The following CFAP77 variants were observed in gnomAD, a reference collection of about 807,000 sequenced individuals.
CFAP77 encodes the protein cilia- and flagella-associated protein 77.
CFAP77 carries 25 observed loss-of-function variants against 31.1 expected under a neutral mutation model. The observed-to-expected ratio is 0.80, with a 90% CI of 0.59 to 1.12. The LOEUF is 1.12. Among genes scored for constraint, CFAP77 ranks in the 50% most tolerant of loss-of-function variants. The pLI is 0.00. For synonymous variants in CFAP77, 151 were observed against 159.9 expected, an observed-to-expected ratio of 0.94 and a Z score of 0.42; for missense variants, 377 against 397.3, an observed-to-expected ratio of 0.95 and a Z score of 0.44.
chr9:132,548,961 G>A (rs1011816088), intron 5 of CFAP77, among the ~76,000 whole-genome samples: 2 of 152,220 alleles, frequency 1.3e-5, no homozygotes, highest in Non-Finnish European at 2.9e-5. Context: ...ACCCTGCTTC[G>A]GGTCTCCTGG....
intron 3 of CFAP77, among the ~76,000 whole-genome samples, chr9:132,506,659 T>C (rs968235518): frequency 2.6e-5 from 4 of 152,046 alleles, no homozygotes; most frequent in Admixed American, 6.5e-5. Context: ...AAGACCCTAC[T>C]TTGCACTAAC....
chr9:132,463,254 C>G (rs996279414), intron 1 of CFAP77, among the ~76,000 whole-genome samples: 1 of 152,100 alleles, frequency 6.6e-6, no homozygotes, highest in Non-Finnish European at 1.5e-5. Context: ...CCAGAAACTC[C>G]CCAGTTAAGA....
chr9:132,434,762 G>C (rs1004236991), intron 1 of CFAP77, among the ~76,000 whole-genome samples: 5 of 152,192 alleles, frequency 3.3e-5, no homozygotes, highest in Non-Finnish European at 7.3e-5. Context: ...GAACCTGTAG[G>C]GGGGCAGAGG....
At chr9:132,483,692 C>T (rs987124063) in intron 1 of CFAP77, among the ~76,000 whole-genome samples, 3 of 152,170 alleles carry the variant, frequency 2.0e-5, no homozygotes, top group East Asian at 1.9e-4. Flanking sequence ...CAGATGGAAA[C>T]GGCCTTCACT....
intron 1 of CFAP77, among the ~76,000 whole-genome samples, chr9:132,445,987 T>C (rs1437074480): frequency 1.3e-5 from 2 of 152,006 alleles, no homozygotes; most frequent in Non-Finnish European, 2.9e-5. Flanking sequence ...GCAGGGTGCA[T>C]TGGGTGCCGC....
chr9:132,460,794 C>A (rs746136505), intron 1 of CFAP77, among the ~76,000 whole-genome samples: 4 of 152,148 alleles, frequency 2.6e-5, no homozygotes, highest in Non-Finnish European at 5.9e-5. Flanking sequence ...AGTGCAATCT[C>A]GGCTCACTGC....
intron 1 of CFAP77, among the ~76,000 whole-genome samples, chr9:132,472,616 T>G (rs1589871079): frequency 6.6e-6 from 1 of 152,130 alleles, no homozygotes; most frequent in African/African-American, 2.4e-5. Context: ...AAAAATTAGC[T>G]GGGCGTGGTG....
intron 5 of CFAP77, among the ~76,000 whole-genome samples, chr9:132,562,204 C>T (rs1041386062): frequency 6.6e-6 from 1 of 152,174 alleles, no homozygotes; most frequent in Non-Finnish European, 1.5e-5. Context: ...GTGTGTGGCA[C>T]GAGGAGGCCC....
At chr9:132,512,942 C>T (rs984226475) in intron 3 of CFAP77, among the ~76,000 whole-genome samples, 5 of 152,090 alleles carry the variant, frequency 3.3e-5, no homozygotes, top group Non-Finnish European at 7.3e-5. Flanking sequence ...GGTAAAACTC[C>T]ATTTCAAATA....
intron 5 of CFAP77, among the ~76,000 whole-genome samples, chr9:132,555,749 C>G (rs866816194): frequency 6.6e-5 from 10 of 152,136 alleles, no homozygotes; most frequent in Admixed American, 1.3e-4. Flanking sequence ...CCCTAACACA[C>G]CCCCCAGCCC....
At chr9:132,488,968 G>C (rs1305813245) in intron 1 of CFAP77, among the ~76,000 whole-genome samples, 1 of 152,184 alleles carries the variant, frequency 6.6e-6, no homozygotes, top group Admixed American at 6.5e-5. Context: ...GTCACCCAGA[G>C]CTGTATTCCA....
intron 1 of CFAP77, among the ~76,000 whole-genome samples, chr9:132,419,860 T>G (rs536131677): frequency 6.6e-6 from 1 of 152,096 alleles, no homozygotes; most frequent in South Asian, 2.1e-4. Flanking sequence ...TTAAAACTCA[T>G]AAGTTATTAA....
Position 132,498,342 on chromosome 9 carries a change from C to A in CFAP77, c.196-353C>A, listed in dbSNP as rs974880513. Reference sequence around the variant, plus strand: ...ATGAGGCCTCCTGAACTGGGTCCTGCATTTCCAGCTTGAGCCAGCCAGGTC... The same window carrying A: ...ATGAGGCCTCCTGAACTGGGTCCTGAATTTCCAGCTTGAGCCAGCCAGGTC... On this transcript the variant is annotated intron_variant, in intron 1 of 5. Transcript: ENST00000393216. The surrounding 1 kb of genome is among the most constrained non-coding windows in gnomAD (Gnocchi z 4.2). 1.3e-5 allele frequency among the ~76,000 whole-genome samples: 2 copies of A among 152,160 alleles called. No homozygotes were observed. Among genetic ancestry groups the A allele is most frequent in the Non-Finnish European group, 2.9e-5 (2 of 68,018 alleles).
At chr9:132,474,235 G>A (rs1851309717) in intron 1 of CFAP77, among the ~76,000 whole-genome samples, 1 of 152,186 alleles carries the variant, frequency 6.6e-6, no homozygotes, top group South Asian at 2.1e-4. Context: ...ATGTGGTCTG[G>A]TGGGTGCCTT....
At chr9:132,559,775 C>T (rs977917381) in intron 5 of CFAP77, among the ~76,000 whole-genome samples, 1 of 152,196 alleles carries the variant, frequency 6.6e-6, no homozygotes, top group Non-Finnish European at 1.5e-5. Flanking sequence ...GGAAACAACC[C>T]AAGGTCCATC....
chr9:132,489,472 C>A (rs751139796), intron 1 of CFAP77, among the ~76,000 whole-genome samples: 7 of 152,138 alleles, frequency 4.6e-5, no homozygotes, highest in Non-Finnish European at 1.0e-4. Context: ...CCTCTTTAAG[C>A]TACTTGACAG....
chr9:132,566,486 A>C (rs1053701883), intron 5 of CFAP77, among the ~76,000 whole-genome samples: 3 of 152,212 alleles, frequency 2.0e-5, no homozygotes, highest in Non-Finnish European at 4.4e-5. Context: ...TGCTGTTGAC[A>C]AGGGGCTCAA....
intron 5 of CFAP77, among the ~76,000 whole-genome samples, chr9:132,547,817 C>T (rs1852758090): frequency 6.6e-6 from 1 of 152,194 alleles, no homozygotes; most frequent in African/African-American, 2.4e-5. Context: ...TGGGCCGGCC[C>T]ACCCTGTTTC....
chr9:132,533,542 C>T (rs1015660781), intron 3 of CFAP77, among the ~76,000 whole-genome samples: 1 of 152,082 alleles, frequency 6.6e-6, no homozygotes, highest in Non-Finnish European at 1.5e-5. Context: ...GGGTAGCTCA[C>T]GTTATATTAG....
Sources: allele counts gnomAD v4.1 joint callset (sites outside exome capture counted in the v4.1 genomes callset), GRCh38; gene constraint gnomAD v4.1.1; non-coding constraint Gnocchi (gnomAD v3.1); transcripts MANE v1.5; gene names NCBI Gene and HGNC (gene_info 2026-07-23, HGNC 2026-07-21).